CHD3: variants seen among roughly 807,000 people sequenced by gnomAD.
CHD3 encodes chromodomain helicase DNA binding protein 3, also known as ATP-dependent chromatin remodeler CHD3.
CHD3 carries 52 observed loss-of-function variants against 248.9 expected under a neutral mutation model. The observed-to-expected ratio is 0.21, with a 90% CI of 0.17 to 0.26. CHD3 has a LOEUF of 0.26. Ranked by LOEUF, CHD3 falls within the 10% of genes least tolerant of loss-of-function variation. The pLI, the probability that CHD3 is intolerant of heterozygous loss-of-function variation, is 1.00. For missense variants in CHD3, 1,482 were observed against 2,605.8 expected (o/e 0.57, Z 9.39); for synonymous variants, 985 against 985.2 (o/e 1.00, Z 0.00).
chr17:7,889,437 T>C lies in CHD3; in HGVS notation c.101-227T>C, dbSNP rs142513753. On this transcript the variant is annotated intron_variant, in intron 1 of 39. Coordinates refer to ENST00000330494, the MANE Select transcript of CHD3 (RefSeq NM_001005273.3). This position sits in a 1 kb window ranked among gnomAD's most constrained non-coding sequence, Gnocchi z 4.5. Reference sequence around the variant, plus strand: ...GTTAGTAGGAGGGGAGGGAGGGGAGTGGTTTGGCTGCTCTTCTCTTCTGAC... The same window carrying C: ...GTTAGTAGGAGGGGAGGGAGGGGAGCGGTTTGGCTGCTCTTCTCTTCTGAC... Among the ~76,000 whole-genome samples, 665 of 151,484 alleles carry C rather than the reference T, an allele frequency of 4.4e-3. 3 individuals are homozygous for C. The highest frequency in any genetic ancestry group is 7.3e-3 in the Admixed American group (111 of 15,222).
In CHD3 at chr17:7,900,833, C is replaced by T; in HGVS notation, c.2979-19C>T. ...TTCCTTTATTTATGTTTCTTTTACA[C>T]CCCTTTCCTGGCCTTTAGGAAATAC... On this transcript the variant is annotated intron_variant, in intron 18 of 39. Coordinates refer to ENST00000330494, the MANE Select transcript of CHD3 (RefSeq NM_001005273.3). The surrounding 1 kb of genome is among the most constrained non-coding windows in gnomAD (Gnocchi z 6.5). 1 of 1,613,412 alleles carries T rather than the reference C, an allele frequency of 6.2e-7. No individual in the cohort carries two copies.
Position 7,910,554 on chromosome 17 carries a change from G to A in CHD3, c.5717G>A (p.Arg1906Gln). 6.2e-7 allele frequency: 1 copy of A among 1,612,376 alleles called. No individual in the cohort carries two copies. The highest frequency in any genetic ancestry group is 8.5e-7 in the Non-Finnish European group (1 of 1,180,008). ...ATGTCCGAGCGCAGCATCCTCAGCC[G>A]GCTGGCCAGCAAGGGCACGGAGCCT... is the stretch of plus-strand genomic sequence containing the variant. ...LQMSERSILS[R>Q]LASKGTEPHP... Residue 1906 changes from arginine to glutamine, a missense_variant, in exon 38 of 40, where the codon CGG becomes CAG. This residue lies in a region of CHD3 where 83 missense variants were observed against 181.0 expected (regional missense o/e 0.46). Transcript: ENST00000330494. This position sits in a 1 kb window ranked among gnomAD's most constrained non-coding sequence, Gnocchi z 4.7.
In CHD3 at chr17:7,905,567, C is replaced by T; in HGVS notation, c.4139-54C>T. On this transcript the variant is annotated intron_variant, in intron 26 of 39. Transcript: ENST00000330494. This position sits in a 1 kb window ranked among gnomAD's most constrained non-coding sequence, Gnocchi z 5.8. ...TGTGGGAATGGGGTGCTAAGGAGGA[C>T]TGAGGCTTAGAGGAGGTGGTGGCTC... 1 of 1,365,360 alleles carries T rather than the reference C, an allele frequency of 7.3e-7. No homozygotes were observed. The highest frequency in any genetic ancestry group is 1.0e-6 in the Non-Finnish European group (1 of 997,140). 84.6% of individuals were successfully genotyped at this position (1,365,360 alleles called of 1,614,324 possible). A position where few individuals can be genotyped will look rare whatever the true frequency, so the allele number is the denominator to read the frequency against.
intron 2 of CHD3, among the ~76,000 whole-genome samples, chr17:7,890,111 C>T (rs1275715741): frequency 6.6e-6 from 1 of 152,160 alleles, no homozygotes; most frequent in African/African-American, 2.4e-5. Context: ...ATTTGGCTCT[C>T]TGTGCCTTAG....
rs768825985 is a variant in CHD3, at chr17:7,901,036, GA to G, written c.3120+47del. ...GGAGCTGATCGAACGCCCATTCTCA[GA>G]AAACATGGGTGGGGAGTAGTGGGGA... On this transcript the variant is annotated intron_variant, in intron 19 of 39. Coordinates refer to ENST00000330494, the MANE Select transcript of CHD3 (RefSeq NM_001005273.3). 147 of 1,597,422 alleles carry G rather than the reference GA, an allele frequency of 9.2e-5. 4 individuals carry two copies. The South Asian group carries it at 1.6e-3, about 17-fold the overall frequency.
At chr17:7,894,335 T>C in intron 7 of CHD3, 70 bp downstream of exon 7, 2 of 1,591,088 alleles carry the variant, frequency 1.3e-6, no homozygotes, top group South Asian at 1.1e-5. Context: ...AATTTTGACT[T>C]CTCTCTTCAA....
chr17:7,904,474 G>A lies in CHD3; in HGVS notation c.3927G>A (p.Gln1309=), dbSNP rs1597984899. Residue 1309 remains glutamine, a synonymous_variant, in exon 25 of 40, where the codon CAG becomes CAA. Transcript: ENST00000330494. This position sits in a 1 kb window ranked among gnomAD's most constrained non-coding sequence, Gnocchi z 4.4. ...IEEIEREIIK[Q]EENVDPDYWE... Reference sequence around the variant, plus strand: ...AAATTGAGCGAGAGATCATCAAGCAGGAGGAGAATGTGGACCCTGACTACT... The same window carrying A: ...AAATTGAGCGAGAGATCATCAAGCAAGAGGAGAATGTGGACCCTGACTACT... 7 of 1,613,998 alleles carry A rather than the reference G, an allele frequency of 4.3e-6. No homozygotes were observed. Among genetic ancestry groups the A allele is most frequent in the African/African-American group, 4.0e-5 (3 of 74,988 alleles).
chr17:7,884,844 AGG>A, upstream of CHD3: 11 of 1,050,378 alleles, frequency 1.0e-5, no homozygotes, highest in South Asian at 6.6e-5. Context: ...GAGGAGGAGG[AGG>A]AGATGGTGGT....
At chr17:7,901,403 A>G (rs1970282712) in intron 20 of CHD3, 28 bp downstream of exon 20, 1 of 1,546,666 alleles carries the variant, frequency 6.5e-7, no homozygotes, top group Middle Eastern at 1.7e-4. Flanking sequence ...CTGTCTTTAC[A>G]TCTGCTTCCT....
At position 7,901,232 on chromosome 17, in the gene CHD3, C is replaced by T. The variant is rs368018825; in HGVS notation, c.3121-12C>T. ...ACTGACCCCCTCCTCCTCCTCTCTC[C>T]TCCCTTTTCAGGAGTCCCCCAAACT... is the stretch of plus-strand genomic sequence containing the variant. On this transcript the variant is annotated splice_polypyrimidine_tract_variant and intron_variant, in intron 19 of 39. Coordinates refer to ENST00000330494, the MANE Select transcript of CHD3 (RefSeq NM_001005273.3). 8.8e-6 allele frequency: 14 copies of T among 1,589,396 alleles called. No homozygotes were observed. The highest frequency in any genetic ancestry group is 1.2e-5 in the Non-Finnish European group (14 of 1,165,736).
chr17:7,894,710 C>CTG, intron 8 of CHD3, 102 bp downstream of exon 8: 1 of 1,376,060 alleles, frequency 7.3e-7, no homozygotes, highest in Non-Finnish European at 1.0e-6. Flanking sequence ...GGCTGGACTT[C>CTG]TTAGTAACAG....
rs1358313497 is a variant in CHD3, at chr17:7,907,249, T to C, written c.4788+2T>C. On this transcript the variant is annotated splice_donor_variant, in intron 31 of 39. Coordinates refer to ENST00000330494, the MANE Select transcript of CHD3 (RefSeq NM_001005273.3). LOFTEE classifies it high-confidence loss of function. This position sits in a 1 kb window ranked among gnomAD's most constrained non-coding sequence, Gnocchi z 4.3. ...ATTGGGGAGAAGATGGAGACAGAGG[T>C]GTGTGGCTCCCTGGATTCCCCTGTG... The C allele has an allele frequency of 1.2e-6, 2 of 1,613,740 alleles. No homozygotes were observed. Among genetic ancestry groups the C allele is most frequent in the Non-Finnish European group, 1.7e-6 (2 of 1,179,882 alleles).
Position 7,909,492 on chromosome 17 carries a change from C to T in CHD3, c.5590+154C>T. The T allele has an allele frequency of 8.6e-7, 1 of 1,164,938 alleles. No individual in the cohort carries two copies. The highest frequency in any genetic ancestry group is 1.6e-5 in the South Asian group (1 of 60,986). 72.2% of individuals were successfully genotyped at this position (1,164,938 alleles called of 1,614,324 possible). On this transcript the variant is annotated intron_variant, in intron 37 of 39. Transcript: ENST00000330494. This position sits in a 1 kb window ranked among gnomAD's most constrained non-coding sequence, Gnocchi z 8.1. ...CCCCACTCCTACCGACCTGGCACCC[C>T]CTTGGATTTTAGCCTCTAGGACTTG... is the stretch of plus-strand genomic sequence containing the variant.
In CHD3 at chr17:7,910,152, T is replaced by C. The variant is rs1971469983; in HGVS notation, c.5591-276T>C. 1 of 351,168 alleles carries C rather than the reference T, an allele frequency of 2.8e-6. No homozygotes were observed. The highest frequency in any genetic ancestry group is 5.3e-6 in the Non-Finnish European group (1 of 188,152). The allele number at this position is 351,168 out of a possible 1,614,324, so 21.8% of individuals were successfully genotyped here. A position where few individuals can be genotyped will look rare whatever the true frequency, so the allele number is the denominator to read the frequency against. On this transcript the variant is annotated intron_variant, in intron 37 of 39. Transcript: ENST00000330494. The surrounding 1 kb of genome is among the most constrained non-coding windows in gnomAD (Gnocchi z 4.7). ...TGTCCCCCCATCTTCCTTTCCTCCA[T>C]GCTCCCTTTTTCTTTCTTCTTTCTC...
chr17:7,889,799 T>A lies in CHD3; in HGVS notation c.213+23T>A. 6.3e-7 allele frequency: 1 copy of A among 1,588,240 alleles called. No individual in the cohort carries two copies. The highest frequency in any genetic ancestry group is 1.1e-5 in the South Asian group (1 of 88,798). On this transcript the variant is annotated intron_variant, in intron 2 of 39. Transcript: ENST00000330494. The surrounding 1 kb of genome is among the most constrained non-coding windows in gnomAD (Gnocchi z 4.5). ...CGTGTAAGTGTCAAGAATTCCTAAC[T>A]CTGTGGCAAGGCTCAAGAGACCCAT...
chr17:7,889,190 C>T lies in CHD3; in HGVS notation c.100+90C>T. 6.6e-7 allele frequency: 1 copy of T among 1,518,940 alleles called. No individual in the cohort carries two copies. Among genetic ancestry groups the T allele is most frequent in the Non-Finnish European group, 9.0e-7 (1 of 1,107,436 alleles). The allele number at this position is 1,518,940 out of a possible 1,614,324, so 94.1% of individuals were successfully genotyped here. ...GTGTTAGTGTGAGAACCCAGGTGTC[C>T]ACCTTTGGCTCTCCCTCCCCAGCAT... On this transcript the variant is annotated intron_variant, in intron 1 of 39. Coordinates refer to ENST00000330494, the MANE Select transcript of CHD3 (RefSeq NM_001005273.3). This position sits in a 1 kb window ranked among gnomAD's most constrained non-coding sequence, Gnocchi z 4.5.
In CHD3 at chr17:7,899,964, A is replaced by G; in HGVS notation, c.2613A>G (p.Ala871=). ...SYELITIDQA[A]LGSIRWACLV... is the part of the protein sequence containing the mutation. ...AGCTGATCACCATTGATCAGGCAGC[A>G]CTTGGTTCCATCCGCTGGGCCTGTC... The change falls in exon 16 of 40, where the codon GCA becomes GCG. Residue 871 remains alanine (A), a synonymous_variant. Coordinates refer to ENST00000330494, the MANE Select transcript of CHD3 (RefSeq NM_001005273.3). The surrounding 1 kb of genome is among the most constrained non-coding windows in gnomAD (Gnocchi z 6.8). The G allele has an allele frequency of 6.2e-7, 1 of 1,614,114 alleles. No individual in the cohort carries two copies. Among genetic ancestry groups the G allele is most frequent in the Non-Finnish European group, 8.5e-7 (1 of 1,180,018 alleles).
Position 7,889,613 on chromosome 17 carries a change from A to G in CHD3, c.101-51A>G. 1.3e-6 allele frequency: 2 copies of G among 1,527,670 alleles called. No homozygotes were observed. Among genetic ancestry groups the G allele is most frequent in the Non-Finnish European group, 1.8e-6 (2 of 1,119,892 alleles). 94.6% of individuals were successfully genotyped at this position (1,527,670 alleles called of 1,614,324 possible). On this transcript the variant is annotated intron_variant, in intron 1 of 39. Coordinates refer to ENST00000330494, the MANE Select transcript of CHD3 (RefSeq NM_001005273.3). This position sits in a 1 kb window ranked among gnomAD's most constrained non-coding sequence, Gnocchi z 4.5. The stretch of plus-strand genomic sequence containing the variant: ...GGGAAGGGGCAAGTTGAGGGGCCTC[A>G]GAGGCTGGAAACCTAGAGGCTTAGG...
rs375758304 is a variant in CHD3 at position 7,893,376 on chromosome 17, C to T, written c.600C>T (p.Asn200=). Residue 200 remains asparagine, a synonymous_variant, in exon 5 of 40, where the codon AAC becomes AAT. Transcript: ENST00000330494. ...AATGGAGAGAGTTCAGTGCCAACAACCCCTTCAAGGGGTCAGCAGCTGCTG... is the reference window on the plus strand; with the variant it reads ...AATGGAGAGAGTTCAGTGCCAACAATCCCTTCAAGGGGTCAGCAGCTGCTG... ...GAKWREFSAN[N]PFKGSAAAVA... is the part of the protein sequence containing the mutation. 65 of 1,613,862 alleles carry T rather than the reference C, an allele frequency of 4.0e-5. No individual in the cohort carries two copies. The highest frequency in any genetic ancestry group is 3.3e-4 in the South Asian group (30 of 91,050).
Sources: allele counts gnomAD v4.1 joint callset (sites outside exome capture counted in the v4.1 genomes callset), GRCh38; gene constraint gnomAD v4.1.1; regional missense constraint gnomAD v4.1.1; non-coding constraint Gnocchi (gnomAD v3.1); transcripts MANE v1.5; gene names NCBI Gene and HGNC (gene_info 2026-07-23, HGNC 2026-07-21).